The following NRG2 variants were observed in gnomAD, a reference collection of about 807,000 sequenced individuals.
NRG2 encodes pro-neuregulin-2, membrane-bound isoform.
Under a neutral mutation model 73.9 loss-of-function variants are expected in NRG2, and 27 were observed. The ratio of observed to expected loss-of-function variants is 0.37; its 90% confidence interval spans 0.27 to 0.50. NRG2 has a LOEUF of 0.50. Ranked by LOEUF, NRG2 falls within the 20% of genes least tolerant of loss-of-function variation. The probability of loss-of-function intolerance (pLI) is 0.96; values close to 1 mark genes in which losing one functional copy is unlikely to be tolerated. For missense variants in NRG2, 1,126 were observed against 1,210.1 expected (o/e 0.93, Z 1.03); for synonymous variants, 532 against 541.0 (o/e 0.98, Z 0.23).
rs200731462 is a variant in NRG2 at position 139,852,394 on chromosome 5, T to C, written c.1544+38A>G. 413 of 1,602,794 alleles carry C rather than the reference T, an allele frequency of 2.6e-4. No homozygotes were observed. Among genetic ancestry groups the C allele is most frequent in the Non-Finnish European group, 3.3e-4 (387 of 1,174,884 alleles). ...GGCACTTTGCGCCAGATGAAGTATG[T>C]GAGTCTACAAGTTTCCATGGGCCTT... On this transcript the variant is annotated intron_variant, in intron 8 of 9. Coordinates refer to ENST00000361474, the MANE Select transcript of NRG2 (RefSeq NM_004883.3). The surrounding 1 kb of genome is among the most constrained non-coding windows in gnomAD (Gnocchi z 4.4).
chr5:139,901,546 A>T (rs1764891562), intron 1 of NRG2, among the ~76,000 whole-genome samples: 1 of 152,204 alleles, frequency 6.6e-6, no homozygotes, highest in African/African-American at 2.4e-5. Context: ...TTGTTTTAGA[A>T]GTCAGGGCAG....
intron 1 of NRG2, among the ~76,000 whole-genome samples, chr5:140,023,559 T>C (rs1470942908): frequency 6.6e-6 from 1 of 152,224 alleles, no homozygotes; most frequent in Non-Finnish European, 1.5e-5. Context: ...TATCCCCAAA[T>C]GGACTGTAAA....
chr5:139,958,985 A>G (rs1056256315), intron 1 of NRG2, among the ~76,000 whole-genome samples: 3 of 152,184 alleles, frequency 2.0e-5, no homozygotes, highest in Admixed American at 6.5e-5. Flanking sequence ...TCAGATTCCC[A>G]GTGTGGCTTT....
At chr5:139,886,845 C>T (rs1377358004) in intron 2 of NRG2, among the ~76,000 whole-genome samples, 1 of 152,190 alleles carries the variant, frequency 6.6e-6, no homozygotes. Flanking sequence ...CAGAGTTCTC[C>T]AACACCAATC....
rs1367690660 is a variant in NRG2 at position 139,856,899 on chromosome 5, T to A, written c.1190-1121A>T. Among the ~76,000 whole-genome samples the A allele has an allele frequency of 6.6e-6, 1 of 152,168 alleles. No homozygotes were observed. The highest frequency in any genetic ancestry group is 1.5e-5 in the Non-Finnish European group (1 of 68,024). On this transcript the variant is annotated intron_variant, in intron 5 of 9. Coordinates refer to ENST00000361474, the MANE Select transcript of NRG2 (RefSeq NM_004883.3). The surrounding 1 kb of genome is among the most constrained non-coding windows in gnomAD (Gnocchi z 4.2). The stretch of plus-strand genomic sequence containing the variant: ...CCACTGACACACAGTTGGATGGAGT[T>A]GTAAACAACCAGACCTCCACCCTAG...
chr5:139,923,926 A>C (rs989363715), intron 1 of NRG2, among the ~76,000 whole-genome samples: 2 of 151,210 alleles, frequency 1.3e-5, no homozygotes, highest in Non-Finnish European at 2.9e-5. Context: ...CTTGTTGGTC[A>C]TCTCCCTTGT....
intron 1 of NRG2, among the ~76,000 whole-genome samples, chr5:139,992,165 T>C (rs1485318498): frequency 6.6e-6 from 1 of 152,228 alleles, no homozygotes; most frequent in African/African-American, 2.4e-5. Context: ...TAATATCTCT[T>C]AATGAAATTG....
chr5:139,969,784 C>T (rs1004350176), intron 1 of NRG2, among the ~76,000 whole-genome samples: 2 of 152,198 alleles, frequency 1.3e-5, no homozygotes, highest in African/African-American at 4.8e-5. Flanking sequence ...TTGGCTTACA[C>T]TGCATTCACC....
In NRG2 at chr5:139,980,390, T is replaced by A. The variant is rs569273599; in HGVS notation, c.700+61980A>T. On this transcript the variant is annotated intron_variant, in intron 1 of 9. Coordinates refer to ENST00000361474, the MANE Select transcript of NRG2 (RefSeq NM_004883.3). ...TCTTCACTGTACCTGGTTTTGTTCC[T>A]TCCAAGGCTGTCCTCAGGATATAGA... 3.3e-5 allele frequency among the ~76,000 whole-genome samples: 5 copies of A among 152,148 alleles called. No homozygotes were observed. The South Asian group carries it at 1.0e-3, about 32-fold the overall frequency.
intron 1 of NRG2, among the ~76,000 whole-genome samples, chr5:139,984,828 A>G (rs1757051181): frequency 1.3e-5 from 2 of 152,238 alleles, no homozygotes; most frequent in African/African-American, 4.8e-5. Flanking sequence ...AAGTGTCCTC[A>G]GTCCCATTCT....
intron 6 of NRG2, among the ~76,000 whole-genome samples, chr5:139,855,275 G>A (rs1012597157): frequency 2.0e-5 from 3 of 152,208 alleles, no homozygotes; most frequent in Non-Finnish European, 2.9e-5. Context: ...CCTGCTCCAG[G>A]AGCCTGTGGG....
intron 1 of NRG2, among the ~76,000 whole-genome samples, chr5:139,902,351 C>T (rs1764940540): frequency 6.6e-6 from 1 of 152,216 alleles, no homozygotes; most frequent in African/African-American, 2.4e-5. Context: ...CCCATTTCCC[C>T]ACACTGGCCT....
At chr5:139,848,763 GGGTGGGGTA>G in intron 9 of NRG2, 66 bp from the exon 10 acceptor site, 2 of 664,664 alleles carry the variant, frequency 3.0e-6, no homozygotes, top group East Asian at 4.0e-5. Flanking sequence ...GGGGGGTTGG[GGGTGGGGTA>G]GGGTGGGAGG....
At chr5:139,993,208 A>G (rs1757769255) in intron 1 of NRG2, among the ~76,000 whole-genome samples, 1 of 152,158 alleles carries the variant, frequency 6.6e-6, no homozygotes, top group Non-Finnish European at 1.5e-5. Flanking sequence ...ATCAGATCAT[A>G]TCATTTCCCT....
Position 139,892,462 on chromosome 5 carries a change from A to G in NRG2, c.701-4951T>C, listed in dbSNP as rs569288228. ...GTACCAGGCCCTGGGGTCATGTGGGATAAGGCTGAGGGGCTGTTCACATAG... is the reference window on the plus strand; with the variant it reads ...GTACCAGGCCCTGGGGTCATGTGGGGTAAGGCTGAGGGGCTGTTCACATAG... On this transcript the variant is annotated intron_variant, in intron 1 of 9. Transcript: ENST00000361474. Among the ~76,000 whole-genome samples, 22 of 152,180 alleles carry G rather than the reference A, an allele frequency of 1.4e-4. No individual in the cohort carries two copies. The East Asian group carries it at 4.2e-3, about 29-fold the overall frequency.
chr5:140,016,942 A>G (rs1759830887), intron 1 of NRG2, among the ~76,000 whole-genome samples: 1 of 152,202 alleles, frequency 6.6e-6, no homozygotes, highest in Non-Finnish European at 1.5e-5. Context: ...AGGCCACGTG[A>G]GGGTTTTGTT....
intron 1 of NRG2, among the ~76,000 whole-genome samples, chr5:139,905,210 A>T (rs1765152360): frequency 6.7e-6 from 1 of 150,356 alleles, no homozygotes; most frequent in Non-Finnish European, 1.5e-5. Flanking sequence ...TCAGACACTG[A>T]CTCCCCACCC....
At chr5:139,930,580 GAACACACTTCTGCT>G (rs536093949) in intron 1 of NRG2, among the ~76,000 whole-genome samples, 25 of 152,324 alleles carry the variant, frequency 1.6e-4, no homozygotes, top group African/African-American at 6.0e-4. Context: ...CATCTCTGCA[GAACACACTTCTGCT>G]TCTGACAATA....
At chr5:139,884,927 C>G (rs537462523) in intron 2 of NRG2, among the ~76,000 whole-genome samples, 1 of 152,000 alleles carries the variant, frequency 6.6e-6, no homozygotes, top group African/African-American at 2.4e-5. Flanking sequence ...AGAGGCACGA[C>G]CCCCTGGGCA....
Sources: allele counts gnomAD v4.1 joint callset (sites outside exome capture counted in the v4.1 genomes callset), GRCh38; gene constraint gnomAD v4.1.1; non-coding constraint Gnocchi (gnomAD v3.1); transcripts MANE v1.5; gene names NCBI Gene and HGNC (gene_info 2026-07-23, HGNC 2026-07-21).